The following EPHB1 variants were observed in gnomAD, a reference collection of about 807,000 sequenced individuals.
EPHB1 encodes EPH receptor B1.
Under a neutral mutation model 94.4 loss-of-function variants are expected in EPHB1, and 30 were observed. The ratio of observed to expected loss-of-function variants is 0.32; its 90% CI spans 0.24 to 0.43. The LOEUF is 0.43. Among genes scored for constraint, EPHB1 ranks in the 20% least tolerant of loss-of-function variants. The pLI is 1.00. For missense variants in EPHB1, 1,055 were observed against 1,308.3 expected (o/e 0.81, Z 2.99); for synonymous variants, 522 against 489.1 (o/e 1.07, Z -0.89).
At chr3:135,055,130 A>G (rs544324333) in intron 3 of EPHB1, among the ~76,000 whole-genome samples, 4 of 152,364 alleles carry the variant, frequency 2.6e-5, no homozygotes, top group South Asian at 2.1e-4. Flanking sequence ...AAAAAAATCA[A>G]GAACCTTATT....
At chr3:134,938,837 C>T (rs1406901409) in intron 2 of EPHB1, among the ~76,000 whole-genome samples, 1 of 152,070 alleles carries the variant, frequency 6.6e-6, no homozygotes, top group African/African-American at 2.4e-5. Context: ...AGGAGGAAGT[C>T]GAGGCTCAGA....
At chr3:134,864,697 T>C (rs2037336430) in intron 1 of EPHB1, among the ~76,000 whole-genome samples, 1 of 152,232 alleles carries the variant, frequency 6.6e-6, no homozygotes, top group African/African-American at 2.4e-5. Context: ...ACCAAAATAT[T>C]GCGGCAAGTG....
chr3:135,229,140 C>T (rs565512615), intron 12 of EPHB1, among the ~76,000 whole-genome samples: 192 of 152,216 alleles, frequency 1.3e-3, no homozygotes, highest in Non-Finnish European at 2.4e-3. Flanking sequence ...CTCACCACCA[C>T]CAGAGGAGGG....
intron 3 of EPHB1, among the ~76,000 whole-genome samples, chr3:135,042,033 G>C (rs1266879445): frequency 6.6e-6 from 1 of 152,192 alleles, no homozygotes; most frequent in African/African-American, 2.4e-5. Context: ...CTCCTGGGCA[G>C]TCCTCCCACC....
intron 12 of EPHB1, among the ~76,000 whole-genome samples, chr3:135,218,649 G>A (rs1447714534): frequency 3.9e-5 from 6 of 152,230 alleles, no homozygotes; most frequent in Non-Finnish European, 1.5e-5. Flanking sequence ...CCCATGCAGT[G>A]CCTCTACTGG....
At chr3:134,868,440 C>A (rs1023820624) in intron 1 of EPHB1, among the ~76,000 whole-genome samples, 27 of 152,162 alleles carry the variant, frequency 1.8e-4, no homozygotes, top group African/African-American at 6.3e-4. Flanking sequence ...ACAAGGAATA[C>A]AGAGGATCTT....
chr3:134,958,531 G>T (rs994722270), intron 3 of EPHB1, among the ~76,000 whole-genome samples: 1 of 152,092 alleles, frequency 6.6e-6, no homozygotes, highest in Non-Finnish European at 1.5e-5. Flanking sequence ...ATTGGCTGGT[G>T]AGAGGGAAAC....
chr3:134,909,104 C>T (rs1992870), intron 1 of EPHB1, among the ~76,000 whole-genome samples: 73,881 of 119,670 alleles, frequency 0.62, 23,585 homozygotes, highest in Middle Eastern at 0.74. Context: ...ACAGTACACA[C>T]AAGGTGGGGG....
At chr3:134,835,280 A>G (rs2036652767) in intron 1 of EPHB1, among the ~76,000 whole-genome samples, 1 of 152,360 alleles carries the variant, frequency 6.6e-6, no homozygotes, top group East Asian at 1.9e-4. Context: ...GTTCCATCCC[A>G]GTGGGACTGG....
At chr3:135,182,904 T>C (rs35779003) in intron 10 of EPHB1, among the ~76,000 whole-genome samples, 65,252 of 151,892 alleles carry the variant, frequency 0.43, 14,426 homozygotes, top group East Asian at 0.71. Context: ...AGTATTTACA[T>C]CATGGGAATG....
At chr3:135,185,382 A>G (rs1211209860) in intron 10 of EPHB1, among the ~76,000 whole-genome samples, 1 of 152,224 alleles carries the variant, frequency 6.6e-6, no homozygotes, top group African/African-American at 2.4e-5. Flanking sequence ...AAGTTACGGC[A>G]AGAAGCATTT....
At chr3:135,180,214 C>A (rs1348989924) in intron 10 of EPHB1, among the ~76,000 whole-genome samples, 1 of 152,176 alleles carries the variant, frequency 6.6e-6, no homozygotes, top group Admixed American at 6.5e-5. Flanking sequence ...TCTGTTGTTG[C>A]AGAAAAGTCA....
intron 3 of EPHB1, among the ~76,000 whole-genome samples, chr3:135,103,425 CT>C (rs1186453530): frequency 3.9e-5 from 6 of 152,168 alleles, no homozygotes; most frequent in Non-Finnish European, 1.5e-5. Context: ...ACCCTGAATT[CT>C]AAAAGTCCCT....
In EPHB1 at chr3:134,967,439, A is replaced by G. The variant is rs551582297; in HGVS notation, c.805+15387A>G. Among the ~76,000 whole-genome samples, 4 of 152,272 alleles carry G rather than the reference A, an allele frequency of 2.6e-5. No individual in the cohort carries two copies. In the South Asian group the frequency reaches 8.3e-4, roughly 32 times the overall value. ...CTTTGCTAGGTGATTGGATCATGAG[A>G]GCTCTGCACTCATGAATGAATTAAT... On this transcript the variant is annotated intron_variant, in intron 3 of 15. Coordinates refer to ENST00000398015, the MANE Select transcript of EPHB1 (RefSeq NM_004441.5).
chr3:134,842,014 G>A (rs750828902), intron 1 of EPHB1, among the ~76,000 whole-genome samples: 6 of 152,118 alleles, frequency 3.9e-5, no homozygotes, highest in African/African-American at 7.2e-5. Context: ...GTGATCCCCC[G>A]AAATTCATAT....
At position 135,115,319 on chromosome 3, in the gene EPHB1, A is replaced by C. The variant is rs1417934149; in HGVS notation, c.961+8716A>C. Among the ~76,000 whole-genome samples the C allele has an allele frequency of 3.9e-5, 6 of 152,220 alleles. No homozygotes were observed. The East Asian group carries it at 1.2e-3, about 29-fold the overall frequency. The stretch of plus-strand genomic sequence containing the variant: ...CCAAGGCAGAACTGGCCTGGAATGG[A>C]TGCCGGAACTTAATTGTTGCCACAG... On this transcript the variant is annotated intron_variant, in intron 4 of 15. Coordinates refer to ENST00000398015, the MANE Select transcript of EPHB1 (RefSeq NM_004441.5).
At chr3:135,031,801 T>A (rs1308037337) in intron 3 of EPHB1, among the ~76,000 whole-genome samples, 1 of 152,182 alleles carries the variant, frequency 6.6e-6, no homozygotes, top group Non-Finnish European at 1.5e-5. Flanking sequence ...AAGGTAAATG[T>A]TTTGTATCCT....
intron 6 of EPHB1, among the ~76,000 whole-genome samples, chr3:135,154,603 C>T (rs1941295621): frequency 6.6e-6 from 1 of 152,138 alleles, no homozygotes; most frequent in South Asian, 2.1e-4. Flanking sequence ...TGCCAGGGGT[C>T]CCCGAACCTT....
chr3:134,893,982 G>A (rs2038038195), intron 1 of EPHB1, among the ~76,000 whole-genome samples: 1 of 152,200 alleles, frequency 6.6e-6, no homozygotes, highest in Non-Finnish European at 1.5e-5. Flanking sequence ...CTTCCCTAAG[G>A]AGCGCTCTTA....
Sources: allele counts gnomAD v4.1 joint callset (sites outside exome capture counted in the v4.1 genomes callset), GRCh38; gene constraint gnomAD v4.1.1; transcripts MANE v1.5; gene names NCBI Gene and HGNC (gene_info 2026-07-23, HGNC 2026-07-21).